PPP1R12B: variants seen among roughly 807,000 people sequenced by gnomAD.
PPP1R12B encodes myosin phosphatase target subunit 2.
Under a neutral mutation model 126.1 loss-of-function variants are expected in PPP1R12B, and 76 were observed. The observed-to-expected ratio is 0.60, with a 90% CI of 0.50 to 0.73. The LOEUF (loss-of-function observed/expected upper bound fraction) is 0.73, where lower values mean the gene tolerates loss of function less well. Among genes scored for constraint, PPP1R12B ranks in the 30% least tolerant of loss-of-function variants. PPP1R12B has a pLI of 0.00. For missense variants in PPP1R12B, 1,052 were observed against 1,205.1 expected (o/e 0.87, Z 1.88); for synonymous variants, 356 against 434.7 (o/e 0.82, Z 2.25).
intron 13 of PPP1R12B, chr1:202,472,087 A>G: frequency 1.3e-6 from 2 of 1,586,366 alleles, no homozygotes; most frequent in South Asian, 2.2e-5. Context: ...TCTTCTGGAG[A>G]GGGATGAAGG....
intron 18 of PPP1R12B, among the ~76,000 whole-genome samples, chr1:202,557,746 A>G (rs2149000349): frequency 6.6e-6 from 1 of 152,366 alleles, no homozygotes; most frequent in South Asian, 2.1e-4. Context: ...AAAAGTGTGC[A>G]GGATTATTCT....
At chr1:202,562,587 A>G (rs1687633931) in intron 19 of PPP1R12B, 191 bp from the exon 20 acceptor site, 1 of 767,430 alleles carries the variant, frequency 1.3e-6, no homozygotes, top group African/African-American at 1.7e-5. Flanking sequence ...CTCCCTCTCC[A>G]AGCTCGTGCA....
intron 13 of PPP1R12B, among the ~76,000 whole-genome samples, chr1:202,487,578 C>T (rs984865238): frequency 4.6e-5 from 7 of 151,748 alleles, no homozygotes; most frequent in African/African-American, 1.7e-4. Flanking sequence ...ACACAATAGT[C>T]CCGTTATCCA....
intron 13 of PPP1R12B, among the ~76,000 whole-genome samples, chr1:202,478,228 A>C (rs1676925257): frequency 6.6e-6 from 1 of 152,244 alleles, no homozygotes; most frequent in African/African-American, 2.4e-5. Context: ...TGTTGCAGTT[A>C]CTAAACTCTG....
intron 10 of PPP1R12B, chr1:202,440,040 T>G (rs1205064928): frequency 6.5e-6 from 1 of 153,628 alleles, no homozygotes; most frequent in African/African-American, 2.4e-5. Flanking sequence ...AAAAAATTTT[T>G]AACTTGTCAT....
chr1:202,507,764 A>T (rs1680982174), intron 18 of PPP1R12B, among the ~76,000 whole-genome samples: 1 of 152,214 alleles, frequency 6.6e-6, no homozygotes, highest in Non-Finnish European at 1.5e-5. Flanking sequence ...GATCATAGAC[A>T]GCCCCAGGAA....
chr1:202,376,270 G>T (rs2148469286), intron 1 of PPP1R12B, among the ~76,000 whole-genome samples: 1 of 152,240 alleles, frequency 6.6e-6, no homozygotes, highest in Non-Finnish European at 1.5e-5. Context: ...AGGGAATTAG[G>T]AATTTGATAG....
chr1:202,465,985 T>C (rs995435476), intron 13 of PPP1R12B, among the ~76,000 whole-genome samples: 2 of 152,194 alleles, frequency 1.3e-5, no homozygotes, highest in African/African-American at 2.4e-5. Context: ...TTCATAAACA[T>C]TGGGAAGCAA....
At chr1:202,524,739 T>C (rs1442247562) in intron 18 of PPP1R12B, among the ~76,000 whole-genome samples, 3 of 152,256 alleles carry the variant, frequency 2.0e-5, no homozygotes, top group African/African-American at 7.2e-5. Flanking sequence ...TGTGTGTATA[T>C]ATATACCACA....
chr1:202,540,163 T>C, intron 18 of PPP1R12B: 1 of 1,609,940 alleles, frequency 6.2e-7, no homozygotes, highest in Non-Finnish European at 8.5e-7. Context: ...ATACCCGAAG[T>C]AAAGAATTCA....
intron 1 of PPP1R12B, among the ~76,000 whole-genome samples, chr1:202,378,335 T>C (rs1661616161): frequency 6.8e-6 from 1 of 147,748 alleles, no homozygotes; most frequent in Admixed American, 7.0e-5. Context: ...TGCAAACCAC[T>C]GACCCATCTC....
chr1:202,511,859 A>G (rs1001079954), intron 18 of PPP1R12B, among the ~76,000 whole-genome samples: 2 of 146,904 alleles, frequency 1.4e-5, no homozygotes, highest in African/African-American at 5.1e-5. Flanking sequence ...TCACTGCAAC[A>G]TCTACCTCCC....
At chr1:202,473,481 T>C (rs1676207120) in intron 13 of PPP1R12B, among the ~76,000 whole-genome samples, 1 of 152,356 alleles carries the variant, frequency 6.6e-6, no homozygotes, top group East Asian at 1.9e-4. Flanking sequence ...CTCAGTTGGA[T>C]GGATGCAGCA....
intron 13 of PPP1R12B, among the ~76,000 whole-genome samples, chr1:202,452,818 T>TTC (rs899652029): frequency 4.6e-5 from 7 of 151,888 alleles, no homozygotes; most frequent in South Asian, 2.1e-4. Flanking sequence ...ATGTATTACT[T>TTC]TCTCTCTCTC....
intron 1 of PPP1R12B, among the ~76,000 whole-genome samples, chr1:202,388,553 G>A (rs1663556002): frequency 6.6e-6 from 1 of 152,068 alleles, no homozygotes. Context: ...TAAAGAACAT[G>A]AAAGAAGGCC....
At chr1:202,412,148 T>C (rs1667478228) in intron 1 of PPP1R12B, among the ~76,000 whole-genome samples, 1 of 152,194 alleles carries the variant, frequency 6.6e-6, no homozygotes, top group Non-Finnish European at 1.5e-5. Flanking sequence ...TACAGTGTCA[T>C]TCCCGTAAAA....
chr1:202,382,987 A>G (rs1426839279), intron 1 of PPP1R12B, among the ~76,000 whole-genome samples: 5 of 152,362 alleles, frequency 3.3e-5, no homozygotes, highest in Non-Finnish European at 5.9e-5. Context: ...TGATCCATCA[A>G]ATTTTTTAGA....
chr1:202,533,385 T>G (rs1325096407), intron 18 of PPP1R12B, among the ~76,000 whole-genome samples: 1 of 152,206 alleles, frequency 6.6e-6, no homozygotes, highest in Non-Finnish European at 1.5e-5. Context: ...CTGCCTCTTG[T>G]GCTCAGAGGA....
At position 202,453,408 on chromosome 1, in the gene PPP1R12B, T is replaced by C. The variant is rs139067497; in HGVS notation, c.1850+4237T>C. 3.0e-3 allele frequency among the ~76,000 whole-genome samples: 460 copies of C among 152,324 alleles called. 3 individuals carry two copies. The highest frequency in any genetic ancestry group is 0.011 in the African/African-American group (441 of 41,562). ...TAGTATTGGCCTGTAGTTTTCTTTT[T>C]TTGATGTGTCTTTGTCTGATTTGGT... On this transcript the variant is annotated intron_variant, in intron 13 of 23. Transcript: ENST00000608999.
Sources: allele counts gnomAD v4.1 joint callset (sites outside exome capture counted in the v4.1 genomes callset), GRCh38; gene constraint gnomAD v4.1.1; transcripts MANE v1.5; gene names NCBI Gene and HGNC (gene_info 2026-07-23, HGNC 2026-07-21).